Variants in ELF2 observed in about 807,000 individuals in gnomAD.
The protein encoded by ELF2 is E74 like ETS transcription factor 2, also known as ETS-related transcription factor Elf-2.
In ELF2, 11 loss-of-function variants were observed where a neutral mutation model predicts 54.8. The ratio of observed to expected loss-of-function variants is 0.20; its 90% CI spans 0.13 to 0.33. ELF2 has a LOEUF of 0.33. ELF2 is among the 10% of genes least tolerant of loss of function. The pLI, the probability that ELF2 is intolerant of heterozygous loss-of-function variation, is 1.00. For synonymous variants in ELF2, 203 were observed against 245.1 expected (o/e 0.83, Z 1.61); for missense variants, 513 against 703.0 (o/e 0.73, Z 3.06).
chr4:139,169,466 A>C (rs1166827959), intron 1 of ELF2, among the ~76,000 whole-genome samples: 2 of 152,140 alleles, frequency 1.3e-5, no homozygotes, highest in African/African-American at 4.8e-5. Flanking sequence ...CAGTAACTTC[A>C]TGTCCAACCT....
chr4:139,057,350 T>C lies in ELF2; in HGVS notation c.*1633A>G, dbSNP rs1179398564. ...TGTTATAAACAATTTCTGACCTAAG[T>C]AGTATGTGATCAATTAAAAGACAAA... is the stretch of plus-strand genomic sequence containing the variant. On this transcript the variant is annotated 3_prime_UTR_variant, in exon 10 of 10. Coordinates refer to ENST00000686138, the MANE Select transcript of ELF2 (RefSeq NM_001331036.3). The C allele has an allele frequency of 6.6e-6, 1 of 152,182 alleles. No homozygotes were observed. Among genetic ancestry groups the C allele is most frequent in the African/African-American group, 2.4e-5 (1 of 41,450 alleles). The allele number at this position is 152,182 out of a possible 1,614,324, so 9.4% of individuals were successfully genotyped here.
Position 139,116,369 on chromosome 4 carries a change from A to AG in ELF2, c.238+8794_238+8795insC, listed in dbSNP as rs200474933. On this transcript the variant is annotated intron_variant, in intron 4 of 9. Transcript: ENST00000686138. ...GCAAAACCAACAGAAATGACAAAAA[A>AG]AAAAAATGACTTAAAGACGTTCAGT... is the stretch of plus-strand genomic sequence containing the variant. Among the ~76,000 whole-genome samples, 1,068 of 152,314 alleles carry AG rather than the reference A, an allele frequency of 7.0e-3. 16 individuals carry two copies. Among genetic ancestry groups the AG allele is most frequent in the African/African-American group, 0.024 (1,015 of 41,570 alleles).
chr4:139,142,423 G>C (rs1009442629), intron 1 of ELF2, among the ~76,000 whole-genome samples: 2 of 150,856 alleles, frequency 1.3e-5, no homozygotes, highest in Admixed American at 6.6e-5. Context: ...TGAAGAAGAG[G>C]ACAGAAAGGT....
chr4:139,076,634 T>A (rs1730353027), intron 4 of ELF2, among the ~76,000 whole-genome samples: 1 of 152,168 alleles, frequency 6.6e-6, no homozygotes, highest in Non-Finnish European at 1.5e-5. Flanking sequence ...GAGCTTCAAG[T>A]ATTCAATAAT....
intron 7 of ELF2, among the ~76,000 whole-genome samples, chr4:139,065,044 TGTTCACATAGTA>T (rs1261420824): frequency 4.6e-5 from 7 of 152,246 alleles, no homozygotes; most frequent in Non-Finnish European, 1.0e-4. Context: ...ATTTTTATTT[TGTTCACATAGTA>T]GTAAATGTGA....
chr4:139,058,132 C>T lies in ELF2; in HGVS notation c.*851G>A, dbSNP rs1727276321. 1 of 152,458 alleles carries T rather than the reference C, an allele frequency of 6.6e-6. No homozygotes were observed. The highest frequency in any genetic ancestry group is 2.1e-4 in the South Asian group (1 of 4,824). The allele number at this position is 152,458 out of a possible 1,614,324, so 9.4% of individuals were successfully genotyped here. The stretch of plus-strand genomic sequence containing the variant: ...TGGTATGTCTGCACAAATGCCAAGG[C>T]TAAGTGAGTGACACAGGCATGTTAC... On this transcript the variant is annotated 3_prime_UTR_variant, in exon 10 of 10. Transcript: ENST00000686138.
At chr4:139,140,752 T>TC (rs1726079759) in intron 1 of ELF2, among the ~76,000 whole-genome samples, 1 of 144,668 alleles carries the variant, frequency 6.9e-6, no homozygotes. Flanking sequence ...AGACCCTGTC[T>TC]CAAAAAAAAA....
At chr4:139,114,559 T>TCACACACACACACACA (rs1410927721) in intron 4 of ELF2, among the ~76,000 whole-genome samples, 13 of 27,596 alleles carry the variant, frequency 4.7e-4, no homozygotes, top group African/African-American at 1.3e-3. Flanking sequence ...GAGACTTCAG[T>TCACACACACACACACA]CTCACACACA....
chr4:139,126,961 C>G (rs1167956823), intron 3 of ELF2, among the ~76,000 whole-genome samples: 1 of 152,108 alleles, frequency 6.6e-6, no homozygotes, highest in Non-Finnish European at 1.5e-5. Context: ...TAGCTATGCA[C>G]CAGATTTAAA....
intron 4 of ELF2, among the ~76,000 whole-genome samples, chr4:139,081,390 A>G (rs1317583264): frequency 6.6e-6 from 1 of 152,180 alleles, no homozygotes; most frequent in Non-Finnish European, 1.5e-5. Context: ...AGCGACAGTG[A>G]TAATATTAAG....
chr4:139,152,339 ATT>A (rs199873078), intron 1 of ELF2, among the ~76,000 whole-genome samples: 2 of 145,728 alleles, frequency 1.4e-5, no homozygotes, highest in South Asian at 2.2e-4. Flanking sequence ...AGTCTACACC[ATT>A]TTTTTTTTTT....
intron 4 of ELF2, among the ~76,000 whole-genome samples, chr4:139,114,640 TTC>T (rs1188585927): frequency 6.8e-4 from 42 of 62,064 alleles, no homozygotes; most frequent in African/African-American, 1.9e-3. Context: ...TTTTTTTTCT[TTC>T]TTTTTTTTTT....
chr4:139,102,548 A>C (rs1391290643), intron 4 of ELF2, among the ~76,000 whole-genome samples: 1 of 149,436 alleles, frequency 6.7e-6, no homozygotes, highest in African/African-American at 2.5e-5. Context: ...TCAAAAAAAA[A>C]AGGAAGTATC....
intron 1 of ELF2, among the ~76,000 whole-genome samples, chr4:139,150,253 G>A (rs572801167): frequency 1.3e-5 from 2 of 152,112 alleles, no homozygotes; most frequent in Admixed American, 6.5e-5. Context: ...TGTAATCCCA[G>A]CTACTCAGGA....
intron 4 of ELF2, among the ~76,000 whole-genome samples, chr4:139,123,627 T>C (rs1240906839): frequency 6.6e-6 from 1 of 152,244 alleles, no homozygotes; most frequent in Non-Finnish European, 1.5e-5. Context: ...TACTAACTTA[T>C]GCAAATTTGG....
intron 3 of ELF2, among the ~76,000 whole-genome samples, chr4:139,127,017 G>A (rs1028804672): frequency 2.0e-5 from 3 of 152,188 alleles, no homozygotes; most frequent in African/African-American, 7.2e-5. Context: ...GAGATAGCAT[G>A]ATGAACTGTC....
At chr4:139,118,724 CAA>C (rs1736013138) in intron 4 of ELF2, among the ~76,000 whole-genome samples, 1 of 150,228 alleles carries the variant, frequency 6.7e-6, no homozygotes, top group African/African-American at 2.5e-5. Flanking sequence ...AAGGAGAAAA[CAA>C]GAGACATAAA....
At chr4:139,063,901 T>A (rs796137444) in intron 7 of ELF2, among the ~76,000 whole-genome samples, 2 of 152,192 alleles carry the variant, frequency 1.3e-5, no homozygotes, top group African/African-American at 4.8e-5. Flanking sequence ...ATCACACTTT[T>A]TTCTCCCTTA....
At chr4:139,155,990 T>C (rs1318842183) in intron 1 of ELF2, among the ~76,000 whole-genome samples, 2 of 132,080 alleles carry the variant, frequency 1.5e-5, no homozygotes, top group Non-Finnish European at 3.2e-5. Context: ...ACAGCTCATT[T>C]TACAAGAAAA....
Sources: allele counts gnomAD v4.1 joint callset (sites outside exome capture counted in the v4.1 genomes callset), GRCh38; gene constraint gnomAD v4.1.1; transcripts MANE v1.5; gene names NCBI Gene and HGNC (gene_info 2026-07-23, HGNC 2026-07-21).